The following UBAC2 variants were observed in gnomAD, a reference collection of about 807,000 sequenced individuals.
UBAC2 encodes the protein ubiquitin-associated domain-containing protein 2.
Under a neutral mutation model 44.0 loss-of-function variants are expected in UBAC2, and 26 were observed. The ratio of observed to expected loss-of-function variants is 0.59; its 90% CI spans 0.43 to 0.82. The LOEUF (loss-of-function observed/expected upper bound fraction) is 0.82. UBAC2 is among the 40% of genes least tolerant of loss of function. The pLI, the probability that UBAC2 is intolerant of heterozygous loss-of-function variation, is 0.00. For synonymous variants in UBAC2, 155 were observed against 154.3 expected, an observed-to-expected ratio of 1.00 and a Z score of -0.04; for missense variants, 329 against 419.4, an observed-to-expected ratio of 0.78 and a Z score of 1.88.
At chr13:99,327,294 G>T in intron 6 of UBAC2, among the ~76,000 whole-genome samples, 1 of 152,214 alleles carries the variant, frequency 6.6e-6, no homozygotes, top group East Asian at 1.9e-4. Context: ...ATAAGGAAGA[G>T]GTTGCCAAGA....
chr13:99,381,360 C>CATTTGCCAG lies in UBAC2; in HGVS notation c.928-3865_928-3857dup, dbSNP rs2045548359. Among the ~76,000 whole-genome samples the CATTTGCCAG allele has an allele frequency of 3.3e-5, 5 of 152,364 alleles. No individual in the cohort carries two copies. The South Asian group carries it at 1.0e-3, about 32-fold the overall frequency. ...TTCATCACTCCAGATTATGAATCGTCATTTGCCAGATCTCCAAATTGCTGA... is the reference window on the plus strand; with the variant it reads ...TTCATCACTCCAGATTATGAATCGTCATTTGCCAGATTTGCCAGATCTCCAAATTGCTGA... On this transcript the variant is annotated intron_variant, in intron 8 of 8. Transcript: ENST00000403766.
rs1054974257 is a variant in UBAC2 at position 99,231,862 on chromosome 13, A to G, written c.32-6565A>G. Among the ~76,000 whole-genome samples, 4 of 152,228 alleles carry G rather than the reference A, an allele frequency of 2.6e-5. No individual in the cohort carries two copies. In the East Asian group the frequency reaches 7.7e-4, roughly 29 times the overall value. On this transcript the variant is annotated intron_variant, in intron 1 of 8. Coordinates refer to ENST00000403766, the MANE Select transcript of UBAC2 (RefSeq NM_001144072.2). ...TGAATGGAATAACAGCTGCCCAGTG[A>G]CCAGTCACTGACAGACTTAGAAAGA...
chr13:99,267,583 G>C (rs1458887149), intron 4 of UBAC2, among the ~76,000 whole-genome samples: 1 of 152,154 alleles, frequency 6.6e-6, no homozygotes, highest in Admixed American at 6.5e-5. Flanking sequence ...GAAGAAACTA[G>C]CTCTGTTCCA....
rs540671806 is a variant in UBAC2 at position 99,378,016 on chromosome 13, T to C, written c.928-7212T>C. Among the ~76,000 whole-genome samples, 13 of 152,352 alleles carry C rather than the reference T, an allele frequency of 8.5e-5. No homozygotes were observed. In the South Asian group the frequency reaches 2.5e-3, roughly 29 times the overall value. ...AAGCATGAACCTGGTTTTCTGTCCCTACAAGTTGAGTATCCCTTATCCAAA... is the reference window on the plus strand; with the variant it reads ...AAGCATGAACCTGGTTTTCTGTCCCCACAAGTTGAGTATCCCTTATCCAAA... On this transcript the variant is annotated intron_variant, in intron 8 of 8. Coordinates refer to ENST00000403766, the MANE Select transcript of UBAC2 (RefSeq NM_001144072.2).
At chr13:99,205,063 C>T (rs2042853282) in intron 1 of UBAC2, among the ~76,000 whole-genome samples, 1 of 151,886 alleles carries the variant, frequency 6.6e-6, no homozygotes, top group Non-Finnish European at 1.5e-5. Flanking sequence ...GATGCCACAC[C>T]CGGCTAATTT....
rs536509422 is a variant in UBAC2, at chr13:99,341,605, A to T, written c.807+1040A>T. On this transcript the variant is annotated intron_variant, in intron 7 of 8. Coordinates refer to ENST00000403766, the MANE Select transcript of UBAC2 (RefSeq NM_001144072.2). ...TTGGAAATGTGGAAGCTACATATAT[A>T]TATAGGTGATGGAGTCACCTCTGTA... Among the ~76,000 whole-genome samples the T allele has an allele frequency of 2.6e-5, 4 of 151,592 alleles. No individual in the cohort carries two copies. In the South Asian group the frequency reaches 6.3e-4, roughly 24 times the overall value.
At chr13:99,237,407 T>C (rs1185297319) in intron 1 of UBAC2, among the ~76,000 whole-genome samples, 2 of 152,174 alleles carry the variant, frequency 1.3e-5, no homozygotes, top group Non-Finnish European at 2.9e-5. Context: ...AAAGATTGCA[T>C]GTTCTCACAC....
intron 7 of UBAC2, among the ~76,000 whole-genome samples, chr13:99,364,550 CT>C (rs1159054381): frequency 2.6e-5 from 4 of 151,894 alleles, no homozygotes; most frequent in Non-Finnish European, 5.9e-5. Context: ...ACTCTCCTTC[CT>C]TTTCTGTACT....
intron 4 of UBAC2, among the ~76,000 whole-genome samples, chr13:99,305,886 C>CATTT (rs10633287): frequency 0.098 from 14,927 of 151,566 alleles, 814 homozygotes; most frequent in East Asian, 0.13. Context: ...GACTCAGGGC[C>CATTT]ATTTATTTAT....
intron 1 of UBAC2, among the ~76,000 whole-genome samples, chr13:99,214,676 CTT>C (rs2042971405): frequency 6.6e-6 from 1 of 152,146 alleles, no homozygotes; most frequent in African/African-American, 2.4e-5. Context: ...CCCAAGCTCT[CTT>C]CTACTTTTTT....
chr13:99,256,829 A>G (rs545311947), intron 4 of UBAC2, among the ~76,000 whole-genome samples: 2 of 152,296 alleles, frequency 1.3e-5, no homozygotes, highest in Admixed American at 6.5e-5. Flanking sequence ...ACAGACTTCA[A>G]AAATAGACTT....
intron 4 of UBAC2, among the ~76,000 whole-genome samples, chr13:99,248,049 C>T (rs1243629622): frequency 6.6e-6 from 1 of 152,138 alleles, no homozygotes; most frequent in African/African-American, 2.4e-5. Flanking sequence ...ACACTACTCC[C>T]TCCTAATTCT....
intron 4 of UBAC2, among the ~76,000 whole-genome samples, chr13:99,271,101 A>G (rs2043809616): frequency 6.6e-6 from 1 of 152,244 alleles, no homozygotes; most frequent in South Asian, 2.1e-4. Flanking sequence ...CTTTGTCCTC[A>G]TCGACTGTAC....
intron 6 of UBAC2, among the ~76,000 whole-genome samples, chr13:99,332,997 C>T (rs1026237968): frequency 1.3e-5 from 2 of 152,156 alleles, no homozygotes; most frequent in African/African-American, 4.8e-5. Context: ...CATGGTGGCT[C>T]ACACCTGTAA....
At chr13:99,244,223 T>C (rs1247186622) in intron 3 of UBAC2, among the ~76,000 whole-genome samples, 1 of 151,744 alleles carries the variant, frequency 6.6e-6, no homozygotes, top group Non-Finnish European at 1.5e-5. Flanking sequence ...AAAATTATAA[T>C]TTATTTTGCT....
chr13:99,299,705 T>C (rs1452614916), intron 4 of UBAC2, among the ~76,000 whole-genome samples: 1 of 152,194 alleles, frequency 6.6e-6, no homozygotes. Context: ...CTGTTCAGTG[T>C]TCCTTTTTCA....
intron 7 of UBAC2, among the ~76,000 whole-genome samples, chr13:99,352,209 A>T (rs1386935427): frequency 6.6e-6 from 1 of 152,194 alleles, no homozygotes; most frequent in Non-Finnish European, 1.5e-5. Context: ...TGGAATTCAC[A>T]TACCATATAA....
intron 1 of UBAC2, chr13:99,234,322 G>T: frequency 3.0e-6 from 1 of 328,294 alleles, no homozygotes; most frequent in South Asian, 2.0e-5. Flanking sequence ...TTCCCAAGTG[G>T]GATTATAGGC....
At chr13:99,201,495 A>C in intron 1 of UBAC2, 1 of 1,614,166 alleles carries the variant, frequency 6.2e-7, no homozygotes, top group Non-Finnish European at 8.5e-7. Context: ...GGAAGTTAGG[A>C]AGTCGTGGCG....
Sources: gnomAD v4.1 joint callset for allele counts (sites outside exome capture counted in the v4.1 genomes callset) on GRCh38, gnomAD v4.1.1 for gene constraint, MANE v1.5 for transcripts, NCBI Gene and HGNC (gene_info 2026-07-23, HGNC 2026-07-21) for gene names.